APP: variants seen among roughly 807,000 people sequenced by gnomAD.
APP encodes the protein amyloid beta precursor protein, also known as amyloid-beta precursor protein.
In APP, 31 loss-of-function variants were observed where a neutral mutation model predicts 101.4. The ratio of observed to expected loss-of-function variants is 0.31; its 90% CI spans 0.23 to 0.41. APP has a LOEUF of 0.41. Ranked by LOEUF, APP falls within the 10% of genes least tolerant of loss-of-function variation. The pLI, the probability that APP is intolerant of heterozygous loss-of-function variation, is 1.00. For missense variants in APP, 839 were observed against 1,003.7 expected (o/e 0.84, Z 2.22); for synonymous variants, 366 against 364.4 (o/e 1.00, Z -0.05).
chr21:25,905,639 G>A (rs1236145734), intron 14 of APP, among the ~76,000 whole-genome samples: 2 of 152,194 alleles, frequency 1.3e-5, no homozygotes, highest in East Asian at 1.9e-4. Flanking sequence ...GAGGGAAACC[G>A]CAGTCTTTTT....
intron 1 of APP, among the ~76,000 whole-genome samples, chr21:26,125,417 G>C (rs1454375098): frequency 3.3e-5 from 5 of 152,158 alleles, no homozygotes; most frequent in Admixed American, 3.3e-4. Flanking sequence ...TTTTCCTTCT[G>C]ATTTTAAAAG....
chr21:26,005,022 T>C (rs1280900268), intron 6 of APP, among the ~76,000 whole-genome samples: 1 of 152,220 alleles, frequency 6.6e-6, no homozygotes, highest in Non-Finnish European at 1.5e-5. Context: ...ATGGTGTATA[T>C]GTGCCACATT....
intron 1 of APP, among the ~76,000 whole-genome samples, chr21:26,116,525 C>T (rs2062438510): frequency 6.6e-6 from 1 of 152,198 alleles, no homozygotes; most frequent in Non-Finnish European, 1.5e-5. Context: ...TCCTTTCAAA[C>T]AGGGTGTTCC....
chr21:26,114,175 A>G (rs568312505), intron 1 of APP, among the ~76,000 whole-genome samples: 1 of 152,318 alleles, frequency 6.6e-6, no homozygotes, highest in Admixed American at 6.5e-5. Context: ...ACTTTTGTTT[A>G]TCCACAATCT....
intron 13 of APP, among the ~76,000 whole-genome samples, chr21:25,924,798 C>G (rs766291252): frequency 5.3e-4 from 81 of 151,656 alleles, no homozygotes; most frequent in Non-Finnish European, 9.0e-4. Flanking sequence ...AAAAAAAGCT[C>G]TGATTTGGAC....
chr21:25,892,238 G>A (rs1043457239), intron 16 of APP, among the ~76,000 whole-genome samples: 1 of 152,062 alleles, frequency 6.6e-6, no homozygotes, highest in African/African-American at 2.4e-5. Context: ...GGAAGATAGC[G>A]CTTGGATCTA....
chr21:25,899,145 C>G (rs2038273742), intron 15 of APP, among the ~76,000 whole-genome samples: 1 of 152,190 alleles, frequency 6.6e-6, no homozygotes, highest in Non-Finnish European at 1.5e-5. Context: ...AAGCTATCTT[C>G]TCTCCTTTTT....
At chr21:25,968,289 C>T (rs994104285) in intron 11 of APP, among the ~76,000 whole-genome samples, 6 of 151,082 alleles carry the variant, frequency 4.0e-5, no homozygotes, top group South Asian at 2.1e-4. Flanking sequence ...CGACTACAGG[C>T]GCGCACCATC....
intron 1 of APP, among the ~76,000 whole-genome samples, chr21:26,150,943 C>T (rs1332507801): frequency 6.6e-6 from 1 of 152,028 alleles, no homozygotes; most frequent in African/African-American, 2.4e-5. Flanking sequence ...GTCTTTGCTC[C>T]AAATACCTAT....
At chr21:26,161,691 C>G (rs187786247) in intron 1 of APP, among the ~76,000 whole-genome samples, 18 of 152,182 alleles carry the variant, frequency 1.2e-4, no homozygotes, top group African/African-American at 4.3e-4. Flanking sequence ...ATGGGAGTTT[C>G]TTAGGTACTC....
At chr21:26,091,243 T>C (rs1041770638) in intron 2 of APP, among the ~76,000 whole-genome samples, 1 of 152,074 alleles carries the variant, frequency 6.6e-6, no homozygotes, top group Admixed American at 6.6e-5. Flanking sequence ...TGAGGGGAAT[T>C]AGACACAGGT....
At chr21:26,138,153 A>G (rs949447017) in intron 1 of APP, among the ~76,000 whole-genome samples, 2 of 152,242 alleles carry the variant, frequency 1.3e-5, no homozygotes, top group East Asian at 3.8e-4. Flanking sequence ...ACCTATGAAC[A>G]GAAGTAAAAT....
intron 13 of APP, among the ~76,000 whole-genome samples, chr21:25,925,077 G>A (rs932845495): frequency 1.3e-5 from 2 of 152,122 alleles, no homozygotes; most frequent in Non-Finnish European, 2.9e-5. Context: ...TCTCTTCCAT[G>A]TCCTTTCTTC....
chr21:26,042,105 T>C (rs1483180603), intron 5 of APP, among the ~76,000 whole-genome samples: 6 of 152,156 alleles, frequency 3.9e-5, no homozygotes, highest in African/African-American at 1.4e-4. Flanking sequence ...ATGATTCACT[T>C]TGCGGCCCTC....
chr21:26,035,157 G>A (rs141450141), intron 5 of APP, among the ~76,000 whole-genome samples: 3 of 152,070 alleles, frequency 2.0e-5, no homozygotes, highest in African/African-American at 4.8e-5. Context: ...GGTGCAGCCT[G>A]TAGTCCCAGC....
intron 11 of APP, among the ~76,000 whole-genome samples, chr21:25,957,174 C>G (rs531432373): frequency 1.3e-5 from 2 of 152,294 alleles, no homozygotes; most frequent in South Asian, 4.1e-4. Flanking sequence ...CCCAGAAAGA[C>G]AGCCATCACA....
chr21:26,039,450 C>T (rs1189773094), intron 5 of APP, among the ~76,000 whole-genome samples: 1 of 152,200 alleles, frequency 6.6e-6, no homozygotes, highest in African/African-American at 2.4e-5. Flanking sequence ...ATTATGTATA[C>T]TGCTTGAATT....
At chr21:26,066,963 AAG>A (rs1393188777) in intron 3 of APP, among the ~76,000 whole-genome samples, 3 of 152,244 alleles carry the variant, frequency 2.0e-5, no homozygotes, top group Non-Finnish European at 4.4e-5. Context: ...ATAATTTGAT[AAG>A]AGATCATCTC....
chr21:26,164,159 C>A (rs2063557484), intron 1 of APP, among the ~76,000 whole-genome samples: 1 of 152,214 alleles, frequency 6.6e-6, no homozygotes, highest in Admixed American at 6.5e-5. Context: ...GCAGGAGAAT[C>A]GCTTGAACCT....
Sources: gnomAD v4.1 joint callset for allele counts (sites outside exome capture counted in the v4.1 genomes callset) on GRCh38, gnomAD v4.1.1 for gene constraint, MANE v1.5 for transcripts, NCBI Gene and HGNC (gene_info 2026-07-23, HGNC 2026-07-21) for gene names.